ABHD12: variants seen among roughly 807,000 people sequenced by gnomAD.
ABHD12 encodes the protein lysophosphatidylserine lipase ABHD12.
Under a neutral mutation model 58.3 loss-of-function variants are expected in ABHD12, and 43 were observed. That is an observed-to-expected ratio of 0.74 (90% CI 0.58 to 0.95). The LOEUF is 0.95. Ranked by LOEUF, ABHD12 falls within the 40% of genes least tolerant of loss-of-function variation. The pLI, the probability that ABHD12 is intolerant of heterozygous loss-of-function variation, is 0.00. For missense variants in ABHD12, 539 were observed against 537.2 expected, an observed-to-expected ratio of 1.00 and a Z score of -0.03; for synonymous variants, 219 against 211.2, an observed-to-expected ratio of 1.04 and a Z score of -0.32.
intron 1 of ABHD12, among the ~76,000 whole-genome samples, chr20:25,386,954 AATG>A (rs1184536784): frequency 1.3e-5 from 2 of 152,238 alleles, no homozygotes; most frequent in African/African-American, 4.8e-5. Context: ...CCAGGAATAC[AATG>A]ATGATTCAAT....
chr20:25,309,379 TC>T (rs946143044), intron 7 of ABHD12, 66 bp downstream of exon 7: 2 of 1,609,844 alleles, frequency 1.2e-6, no homozygotes, highest in African/African-American at 2.7e-5. Flanking sequence ...ACTCTCTAGA[TC>T]CAGGCATGGG....
intron 11 of ABHD12, 80 bp from the exon 12 acceptor site, chr20:25,302,426 C>A (rs2088654336): frequency 6.3e-7 from 1 of 1,577,990 alleles, no homozygotes; most frequent in Admixed American, 1.7e-5. Flanking sequence ...TTGGCAGCCT[C>A]CCCTTCAATA....
At chr20:25,388,038 CAA>C (rs748581834) in intron 1 of ABHD12, among the ~76,000 whole-genome samples, 9 of 58,114 alleles carry the variant, frequency 1.5e-4, no homozygotes, top group South Asian at 6.4e-4. Flanking sequence ...GACTCCTTCT[CAA>C]AAAAAAAAAA....
At chr20:25,319,315 C>T (rs1055491486) in intron 4 of ABHD12, among the ~76,000 whole-genome samples, 1 of 152,186 alleles carries the variant, frequency 6.6e-6, no homozygotes, top group African/African-American at 2.4e-5. Flanking sequence ...GTGGAAAGGA[C>T]AAGCCATTAG....
At chr20:25,381,741 C>T (rs1027701111) in intron 1 of ABHD12, among the ~76,000 whole-genome samples, 1 of 151,844 alleles carries the variant, frequency 6.6e-6, no homozygotes, top group Admixed American at 6.6e-5. Flanking sequence ...TGGGTTCAAG[C>T]GATTCTCCTG....
intron 1 of ABHD12, among the ~76,000 whole-genome samples, chr20:25,387,589 TTAA>T (rs972449061): frequency 1.6e-4 from 14 of 85,252 alleles, no homozygotes; most frequent in South Asian, 4.3e-4. Flanking sequence ...TTCATCTCTA[TTAA>T]AAAAAAAAAA....
At chr20:25,319,947 C>T (rs1223590937) in intron 4 of ABHD12, among the ~76,000 whole-genome samples, 1 of 152,232 alleles carries the variant, frequency 6.6e-6, no homozygotes, top group Non-Finnish European at 1.5e-5. Context: ...GGAACACAGC[C>T]GTGCTGGCCT....
At chr20:25,296,242 C>T (rs1472719882), downstream of ABHD12, 1 of 1,150,812 alleles carries the variant, frequency 8.7e-7, no homozygotes, top group Non-Finnish European at 1.3e-6. Context: ...GTAATGTCCT[C>T]CTCTTCCAGC....
At chr20:25,359,247 C>A (rs924418391) in intron 1 of ABHD12, among the ~76,000 whole-genome samples, 2 of 150,840 alleles carry the variant, frequency 1.3e-5, no homozygotes, top group African/African-American at 2.4e-5. Context: ...CGGTGAAACC[C>A]CGTCTCTACT....
intron 9 of ABHD12, 78 bp downstream of exon 9, chr20:25,307,888 T>C (rs2088774348): frequency 3.2e-6 from 2 of 631,564 alleles, no homozygotes; most frequent in South Asian, 2.2e-5. Flanking sequence ...ATAATTATTA[T>C]AATGTATCCT....
chr20:25,342,454 ATTTT>A (rs11477444), intron 1 of ABHD12, among the ~76,000 whole-genome samples: 2 of 142,318 alleles, frequency 1.4e-5, no homozygotes, highest in Admixed American at 7.0e-5. Flanking sequence ...CAGATACCAC[ATTTT>A]TTTTTTTTTT....
At position 25,390,678 on chromosome 20, in the gene ABHD12, G is replaced by A. The variant is rs776381886; in HGVS notation, c.26C>T (p.Ala9Val). 2.7e-5 allele frequency: 39 copies of A among 1,429,596 alleles called. No homozygotes were observed. In the South Asian group the frequency reaches 3.0e-4, roughly 11 times the overall value. 88.6% of individuals were successfully genotyped at this position (1,429,596 alleles called of 1,614,324 possible). Residue 9 changes from alanine (A) to valine (V), a missense_variant, in exon 1 of 13, where the codon GCC (alanine) becomes GTC (valine). By Grantham distance (64) the Ala-to-Val change is moderately conservative. Coordinates refer to ENST00000339157, the MANE Select transcript of ABHD12 (RefSeq NM_001042472.3). MRKRTEPV[A>V]LEHERCAAAG... ...GGCGGCGCAGCGCTCATGCTCCAAGGCGACGGGCTCGGTCCGCTTCCTCAT... is the reference window on the plus strand; with the variant it reads ...GGCGGCGCAGCGCTCATGCTCCAAGACGACGGGCTCGGTCCGCTTCCTCAT...
chr20:25,359,693 C>G (rs887195251), intron 1 of ABHD12, among the ~76,000 whole-genome samples: 19 of 151,800 alleles, frequency 1.3e-4, no homozygotes, highest in African/African-American at 4.6e-4. Context: ...CCATAGCCTC[C>G]CAAGTAGCTG....
Position 25,390,555 on chromosome 20 carries a change from G to C in ABHD12, c.149C>G (p.Pro50Arg), listed in dbSNP as rs765002284. 4 of 1,472,174 alleles carry C rather than the reference G, an allele frequency of 2.7e-6. No homozygotes were observed. Among genetic ancestry groups the C allele is most frequent in the South Asian group, 1.3e-5 (1 of 78,944 alleles). The allele number at this position is 1,472,174 out of a possible 1,614,324, so 91.2% of individuals were successfully genotyped here. A position where few individuals can be genotyped will look rare whatever the true frequency, so the allele number is the denominator to read the frequency against. Residue 50 changes from proline to arginine, a missense_variant, in exon 1 of 13, where the codon CCG (proline) becomes CGG (arginine). Transcript: ENST00000339157. Reference protein sequence around the residue: ...LRLTGPAAAEPRCAADAGMKR... With the variant: ...LRLTGPAAAERRCAADAGMKR... ...CATTCCCGCGTCGGCTGCGCAGCGC[G>C]GCTCAGCCGCCGCCGGGCCCGTCAG...
chr20:25,377,899 T>C (rs2089979271), intron 1 of ABHD12, among the ~76,000 whole-genome samples: 1 of 152,154 alleles, frequency 6.6e-6, no homozygotes, highest in African/African-American at 2.4e-5. Flanking sequence ...GGTTTCACCA[T>C]GTTGGCCAGG....
chr20:25,312,594 C>T (rs1184491910), intron 6 of ABHD12, among the ~76,000 whole-genome samples: 1 of 152,198 alleles, frequency 6.6e-6, no homozygotes, highest in Non-Finnish European at 1.5e-5. Flanking sequence ...CTCTGCCCGG[C>T]CGCCACCCCG....
rs150216404 is a variant in ABHD12, at chr20:25,325,684, C to T, written c.317-2254G>A. On this transcript the variant is annotated intron_variant, in intron 2 of 12. Transcript: ENST00000339157. ...TCAGGAGGAGCTGGGCCCACCCACA[C>T]CTCGACCTCAGACTCCCAGCCTCCA... Among the ~76,000 whole-genome samples, 54 of 152,312 alleles carry T rather than the reference C, an allele frequency of 3.5e-4. No individual in the cohort carries two copies. In the East Asian group the frequency reaches 0.01, roughly 28 times the overall value.
intron 6 of ABHD12, among the ~76,000 whole-genome samples, chr20:25,311,422 G>A (rs990913325): frequency 4.6e-5 from 7 of 152,232 alleles, no homozygotes; most frequent in African/African-American, 1.7e-4. Flanking sequence ...CTCCCACCCT[G>A]ATTCCAGCCT....
chr20:25,386,530 G>A (rs1352966178), intron 1 of ABHD12, among the ~76,000 whole-genome samples: 1 of 151,688 alleles, frequency 6.6e-6, no homozygotes, highest in African/African-American at 2.4e-5. Flanking sequence ...AAAGTGCTGG[G>A]ATTACAGGCG....
Sources: allele counts gnomAD v4.1 joint callset (sites outside exome capture counted in the v4.1 genomes callset), GRCh38; gene constraint gnomAD v4.1.1; transcripts MANE v1.5; gene names NCBI Gene and HGNC (gene_info 2026-07-23, HGNC 2026-07-21).